The following FCHSD2 variants were observed in gnomAD, a reference collection of about 807,000 sequenced individuals.
FCHSD2 encodes the protein F-BAR and double SH3 domains protein 2.
FCHSD2 carries 38 observed loss-of-function variants against 108.1 expected under a neutral mutation model. The ratio of observed to expected loss-of-function variants is 0.35; its 90% CI spans 0.27 to 0.46. The LOEUF (loss-of-function observed/expected upper bound fraction) is 0.46. FCHSD2 is among the 20% of genes least tolerant of loss of function. The pLI, the probability that FCHSD2 is intolerant of heterozygous loss-of-function variation, is 1.00. For missense variants in FCHSD2, 751 were observed against 897.8 expected (o/e 0.84, Z 2.09); for synonymous variants, 279 against 314.7 (o/e 0.89, Z 1.20).
intron 8 of FCHSD2, chr11:72,940,642 C>G (rs955112441): frequency 5.5e-6 from 8 of 1,444,470 alleles, no homozygotes; most frequent in Non-Finnish European, 6.8e-6. Flanking sequence ...TGATAAAGCG[C>G]GCCGACCAGG....
intron 4 of FCHSD2, among the ~76,000 whole-genome samples, chr11:73,009,876 G>T (rs1857824505): frequency 6.6e-6 from 1 of 152,102 alleles, no homozygotes; most frequent in Non-Finnish European, 1.5e-5. Context: ...ATGTACCATG[G>T]AGAATGCCTT....
At chr11:73,088,612 T>TA (rs1015997452) in intron 2 of FCHSD2, among the ~76,000 whole-genome samples, 1 of 152,036 alleles carries the variant, frequency 6.6e-6, no homozygotes, top group African/African-American at 2.4e-5. Context: ...AAGTCCTTTT[T>TA]AAAAAAAATG....
chr11:73,100,334 TTTGTTGTTGTTGTTGTTG>T (rs56104404), intron 2 of FCHSD2, among the ~76,000 whole-genome samples: 7 of 148,952 alleles, frequency 4.7e-5, no homozygotes, highest in African/African-American at 9.9e-5. Flanking sequence ...TTTACATGCT[TTTGTTGTTGTTGTTGTTG>T]TTGTTGTTGT....
intron 8 of FCHSD2, among the ~76,000 whole-genome samples, chr11:72,972,067 G>C (rs1274975493): frequency 6.6e-6 from 1 of 152,066 alleles, no homozygotes; most frequent in African/African-American, 2.4e-5. Flanking sequence ...GATTTAAAAA[G>C]AGTTAATCTC....
intron 3 of FCHSD2, among the ~76,000 whole-genome samples, chr11:73,057,395 CA>C (rs1275794011): frequency 6.6e-6 from 1 of 152,102 alleles, no homozygotes; most frequent in East Asian, 1.9e-4. Context: ...TAAAGCATTC[CA>C]CCAGGATTTC....
intron 2 of FCHSD2, among the ~76,000 whole-genome samples, chr11:73,102,404 TCCACAGAAGGACCCA>T (rs1368445098): frequency 1.3e-5 from 2 of 152,114 alleles, no homozygotes; most frequent in Non-Finnish European, 2.9e-5. Flanking sequence ...AAAACATATG[TCCACAGAAGGACCCA>T]TACACAAATG....
chr11:72,846,417 C>T (rs570910303), intron 14 of FCHSD2, among the ~76,000 whole-genome samples: 11 of 151,992 alleles, frequency 7.2e-5, no homozygotes, highest in Non-Finnish European at 1.2e-4. Context: ...CCTGACCTCG[C>T]GATTCGCCCG....
chr11:72,946,547 T>A (rs1050168701), intron 8 of FCHSD2, among the ~76,000 whole-genome samples: 6 of 151,718 alleles, frequency 4.0e-5, no homozygotes, highest in African/African-American at 7.3e-5. Flanking sequence ...AAGTATAATT[T>A]AAAAAAAACT....
chr11:73,121,786 A>G (rs1860740399), intron 2 of FCHSD2, among the ~76,000 whole-genome samples: 1 of 152,190 alleles, frequency 6.6e-6, no homozygotes, highest in African/African-American at 2.4e-5. Context: ...AGAATCACCT[A>G]AAAGTGATTA....
chr11:73,035,699 T>C (rs1858478503), intron 3 of FCHSD2, among the ~76,000 whole-genome samples: 1 of 69,918 alleles, frequency 1.4e-5, no homozygotes, highest in Non-Finnish European at 3.6e-5. Context: ...GTTCAGTTTT[T>C]ATTTATTTAT....
chr11:73,041,858 CTATGTTT>C (rs1858647654), intron 3 of FCHSD2, among the ~76,000 whole-genome samples: 1 of 152,074 alleles, frequency 6.6e-6, no homozygotes, highest in East Asian at 1.9e-4. Flanking sequence ...AGTATTTCCT[CTATGTTT>C]TATGTCAGTA....
At chr11:73,006,394 C>A (rs914490990) in intron 4 of FCHSD2, among the ~76,000 whole-genome samples, 1 of 152,224 alleles carries the variant, frequency 6.6e-6, no homozygotes, top group Non-Finnish European at 1.5e-5. Context: ...CTCAAACCTT[C>A]TAGTAGTTGG....
chr11:73,140,831 G>T (rs561541889), intron 1 of FCHSD2, among the ~76,000 whole-genome samples: 1 of 152,370 alleles, frequency 6.6e-6, no homozygotes, highest in African/African-American at 2.4e-5. Flanking sequence ...CCAGGCCGGG[G>T]CCCCAGGGTT....
intron 3 of FCHSD2, among the ~76,000 whole-genome samples, chr11:73,038,924 T>C (rs1490401032): frequency 6.6e-6 from 1 of 152,208 alleles, no homozygotes; most frequent in Non-Finnish European, 1.5e-5. Flanking sequence ...ACTTTAGTGT[T>C]CTTTTTCCAG....
At chr11:73,131,446 G>A (rs1165365989) in intron 2 of FCHSD2, among the ~76,000 whole-genome samples, 2 of 151,802 alleles carry the variant, frequency 1.3e-5, no homozygotes, top group African/African-American at 2.4e-5. Flanking sequence ...GGAGAATGGC[G>A]TGAAACCAGA....
At chr11:73,042,497 T>A (rs1858665368) in intron 3 of FCHSD2, among the ~76,000 whole-genome samples, 1 of 152,202 alleles carries the variant, frequency 6.6e-6, no homozygotes, top group African/African-American at 2.4e-5. Context: ...ACTGTGACGA[T>A]TCCAGCTTTG....
At chr11:72,967,600 G>A (rs1010194578) in intron 8 of FCHSD2, among the ~76,000 whole-genome samples, 9 of 152,164 alleles carry the variant, frequency 5.9e-5, no homozygotes, top group African/African-American at 1.9e-4. Context: ...GTGGTTGCCA[G>A]GAACTAGGGA....
chr11:73,032,668 C>T (rs548899667), intron 3 of FCHSD2, among the ~76,000 whole-genome samples: 1 of 150,116 alleles, frequency 6.7e-6, no homozygotes, highest in African/African-American at 2.4e-5. Flanking sequence ...TATATGGGAA[C>T]ATAAAGCAGA....
At chr11:73,038,327 G>A (rs1858548678) in intron 3 of FCHSD2, among the ~76,000 whole-genome samples, 2 of 149,664 alleles carry the variant, frequency 1.3e-5, no homozygotes. Context: ...GGGTGACAGA[G>A]TAAGACCCTG....
Sources: allele counts gnomAD v4.1 joint callset (sites outside exome capture counted in the v4.1 genomes callset), GRCh38; gene constraint gnomAD v4.1.1; transcripts MANE v1.5; gene names NCBI Gene and HGNC (gene_info 2026-07-23, HGNC 2026-07-21).